The following PIGQ variants were observed in gnomAD, a reference collection of about 807,000 sequenced individuals.
PIGQ encodes the protein phosphatidylinositol glycan anchor biosynthesis class Q, also known as phosphatidylinositol N-acetylglucosaminyltransferase subunit Q.
PIGQ carries 54 observed loss-of-function variants against 60.3 expected under a neutral mutation model. The ratio of observed to expected loss-of-function variants is 0.90; its 90% CI spans 0.72 to 1.12. The LOEUF (loss-of-function observed/expected upper bound fraction) is 1.12, where lower values mean the gene tolerates loss of function less well. Ranked by LOEUF, PIGQ falls within the 50% of genes most tolerant of loss-of-function variation. The probability of loss-of-function intolerance (pLI) is 0.00; values close to 1 mark genes in which losing one functional copy is unlikely to be tolerated. For synonymous variants in PIGQ, 416 were observed against 363.7 expected (o/e 1.14, Z -1.64); for missense variants, 799 against 793.5 (o/e 1.01, Z -0.08).
chr16:573,011 G>A (rs1596381675), intron 1 of PIGQ, among the ~76,000 whole-genome samples: 1 of 152,364 alleles, frequency 6.6e-6, no homozygotes, highest in South Asian at 2.1e-4. Context: ...CAGCCAGCCG[G>A]CCAGTAGTGC....
intron 1 of PIGQ, among the ~76,000 whole-genome samples, chr16:571,571 C>CGT (rs4006743): frequency 0.06 from 5,268 of 87,264 alleles, 492 homozygotes; most frequent in African/African-American, 0.18. Context: ...GCCTGGTGCC[C>CGT]GTGTGTGTGT....
In PIGQ at chr16:578,704, C is replaced by G. The variant is rs2035760913; in HGVS notation, c.1070-81C>G. On this transcript the variant is annotated intron_variant, in intron 5 of 10. Transcript: ENST00000321878. ...CCACCCTGCCAGGCTACACGCACCT[C>G]ATGTCCTGTGTGTGTGAGGGTTGTG... The G allele has an allele frequency of 3.9e-6, 6 of 1,527,382 alleles. No individual in the cohort carries two copies. The South Asian group carries it at 7.1e-5, about 18-fold the overall frequency. The allele number at this position is 1,527,382 out of a possible 1,614,324, so 94.6% of individuals were successfully genotyped here. A position where few individuals can be genotyped will look rare whatever the true frequency, so the allele number is the denominator to read the frequency against.
At chr16:575,733 C>A in intron 2 of PIGQ, 106 bp from the exon 3 acceptor site, 2 of 1,253,674 alleles carry the variant, frequency 1.6e-6, no homozygotes, top group Non-Finnish European at 1.1e-6. Context: ...CCCTGTCCTG[C>A]TGAGCTCAGG....
chr16:575,995 A>G, intron 3 of PIGQ, 25 bp downstream of exon 3: 3 of 1,570,514 alleles, frequency 1.9e-6, no homozygotes, highest in Non-Finnish European at 1.7e-6. Flanking sequence ...TGGTCTCTGC[A>G]GGGCTGGGTG....
At chr16:577,421 C>T (rs571426797) in intron 4 of PIGQ, among the ~76,000 whole-genome samples, 6 of 151,144 alleles carry the variant, frequency 4.0e-5, no homozygotes, top group African/African-American at 9.7e-5. Flanking sequence ...ACTAAAAATA[C>T]AAAAAATTAG....
Position 583,600 on chromosome 16 carries a change from AT to A in PIGQ, c.*568del. The A allele has an allele frequency of 6.2e-7, 1 of 1,612,708 alleles. No homozygotes were observed. The highest frequency in any genetic ancestry group is 2.2e-5 in the East Asian group (1 of 44,876). ...TCACTCCCTGAACCACACGGGGTTT[AT>A]TTGCGGATGTTCCCTGGAGAGGTCG... is the stretch of plus-strand genomic sequence containing the variant. On this transcript the variant is annotated 3_prime_UTR_variant, in exon 11 of 11. Coordinates refer to ENST00000321878, the MANE Select transcript of PIGQ (RefSeq NM_004204.5).
rs759466426 is a variant in PIGQ at position 583,825 on chromosome 16, C to G, written c.*790C>G. 1.3e-4 allele frequency: 87 copies of G among 691,414 alleles called. 2 individuals are homozygous for G. The South Asian group carries it at 1.4e-3, about 11-fold the overall frequency. The allele number at this position is 691,414 out of a possible 1,614,324, so 42.8% of individuals were successfully genotyped here. On this transcript the variant is annotated 3_prime_UTR_variant, in exon 11 of 11. Coordinates refer to ENST00000321878, the MANE Select transcript of PIGQ (RefSeq NM_004204.5). ...AGGAGGAAGCCCTGCTGTGCAGACACCTCTGTGGCCCCCCAGGAGTGTGAG... is the reference window on the plus strand; with the variant it reads ...AGGAGGAAGCCCTGCTGTGCAGACAGCTCTGTGGCCCCCCAGGAGTGTGAG...
Position 574,542 on chromosome 16 carries a change from T to G in PIGQ, c.468T>G (p.Thr156=). The G allele has an allele frequency of 6.2e-7, 1 of 1,605,760 alleles. No individual in the cohort carries two copies. The highest frequency in any genetic ancestry group is 8.5e-7 in the Non-Finnish European group (1 of 1,176,790). The part of the protein sequence containing the change: ...VLPDRQAGAT[T]ASTGGLAAVF... ...CCGACCGCCAGGCTGGAGCCACCAC[T>G]GCCAGCACGGGGGGCCTGGCTGCCG... The change falls in exon 2 of 11, where the codon ACT becomes ACG. Residue 156 remains threonine, a synonymous_variant. Coordinates refer to ENST00000321878, the MANE Select transcript of PIGQ (RefSeq NM_004204.5).
chr16:581,461 C>A, intron 9 of PIGQ: 1 of 654,140 alleles, frequency 1.5e-6, no homozygotes, highest in Non-Finnish European at 2.0e-6. Context: ...GTGGAGTCTG[C>A]AGGAGGCTTT....
In PIGQ at chr16:575,711, C is replaced by T. The variant is rs1210141529; in HGVS notation, c.690-128C>T. On this transcript the variant is annotated intron_variant, in intron 2 of 10. Transcript: ENST00000321878. ...CCACCACCTGGGCCACCGAGGGCCCCTCCCACCTGCCCCCTGTCCTGCTGA... is the reference window on the plus strand; with the variant it reads ...CCACCACCTGGGCCACCGAGGGCCCTTCCCACCTGCCCCCTGTCCTGCTGA... The T allele has an allele frequency of 4.9e-6, 5 of 1,029,816 alleles. No individual in the cohort carries two copies. The African/African-American group carries it at 6.3e-5, about 13-fold the overall frequency. The allele number at this position is 1,029,816 out of a possible 1,614,324, so 63.8% of individuals were successfully genotyped here.
chr16:579,072 G>A lies in PIGQ; in HGVS notation c.1227G>A (p.Leu409=). The A allele has an allele frequency of 6.2e-7, 1 of 1,612,180 alleles. No individual in the cohort carries two copies. Among genetic ancestry groups the A allele is most frequent in the Non-Finnish European group, 8.5e-7 (1 of 1,179,494 alleles). ...CCGACAGCACTGCGTCCTGTAGGCTGTACTGCCTGAAGATCCATGGCCTGT... is the reference window on the plus strand; with the variant it reads ...CCGACAGCACTGCGTCCTGTAGGCTATACTGCCTGAAGATCCATGGCCTGT... ...IYCFYVYGAR[L]YCLKIHGLSS... The change falls in exon 7 of 11, where the codon CTG becomes CTA. Residue 409 remains leucine, a synonymous_variant. Transcript: ENST00000321878.
chr16:578,417 G>C lies in PIGQ; in HGVS notation c.981G>C (p.Leu327=), dbSNP rs779902263. ...AGCTCCAGCATCTGCTGCAGTGGCT[G>C]ATGGGTGCTCCCGCCGGGCTCAAGA... The part of the protein sequence containing the change: ...AEELQHLLQW[L]MGAPAGLKMN... Residue 327 remains leucine (L), a synonymous_variant, in exon 5 of 11, where the codon CTG becomes CTC. Coordinates refer to ENST00000321878, the MANE Select transcript of PIGQ (RefSeq NM_004204.5). 1 of 1,612,116 alleles carries C rather than the reference G, an allele frequency of 6.2e-7. No individual in the cohort carries two copies. The highest frequency in any genetic ancestry group is 1.7e-5 in the Admixed American group (1 of 60,000).
At chr16:580,798 G>C in intron 8 of PIGQ, 60 bp from the exon 9 acceptor site, 1 of 808,400 alleles carries the variant, frequency 1.2e-6, no homozygotes, top group Non-Finnish European at 2.2e-6. Context: ...GGATGGGGTC[G>C]GACTGCTCTG....
chr16:576,616 T>C (rs557013664), intron 4 of PIGQ: 128 of 475,950 alleles, frequency 2.7e-4, no homozygotes, highest in African/African-American at 2.3e-3. Flanking sequence ...AGAGCCAGGG[T>C]CATGAAACCT....
intron 1 of PIGQ, among the ~76,000 whole-genome samples, chr16:573,355 T>G (rs2035664758): frequency 6.6e-6 from 1 of 151,534 alleles, no homozygotes; most frequent in Non-Finnish European, 1.5e-5. Flanking sequence ...CTGGGGTGGC[T>G]GTGGGGATGT....
intron 7 of PIGQ, 46 bp from the exon 8 acceptor site, chr16:580,137 G>C (rs745610924): frequency 1.1e-5 from 16 of 1,504,430 alleles, no homozygotes. Context: ...GCCGTCCCTG[G>C]GCGCGGGGTC....
chr16:571,487 C>CGT (rs1567173657), intron 1 of PIGQ, among the ~76,000 whole-genome samples: 36 of 60,168 alleles, frequency 6.0e-4, no homozygotes, highest in South Asian at 1.6e-3. Context: ...GTCTGGTTAG[C>CGT]CTGTGTGTGT....
chr16:579,020 G>A, intron 6 of PIGQ, 49 bp from the exon 7 acceptor site: 2 of 1,460,574 alleles, frequency 1.4e-6, no homozygotes, highest in Non-Finnish European at 1.9e-6. Context: ...TGGGGCGGGG[G>A]CGGGGCGGGG....
intron 9 of PIGQ, chr16:581,846 C>T: frequency 3.4e-6 from 1 of 289,872 alleles, no homozygotes; most frequent in South Asian, 3.4e-5. Flanking sequence ...TCACTGCAAC[C>T]TTCGCCTCCC....
Sources: allele counts gnomAD v4.1 joint callset (sites outside exome capture counted in the v4.1 genomes callset), GRCh38; gene constraint gnomAD v4.1.1; transcripts MANE v1.5; gene names NCBI Gene and HGNC (gene_info 2026-07-23, HGNC 2026-07-21).